Variants in LMF1 observed in about 807,000 individuals in gnomAD.
LMF1 encodes the protein lipase maturation factor 1, also known as transmembrane protein 112.
Under a neutral mutation model 60.6 loss-of-function variants are expected in LMF1, and 68 were observed. The ratio of observed to expected loss-of-function variants is 1.12; its 90% CI spans 0.92 to 1.37. The LOEUF (loss-of-function observed/expected upper bound fraction) is 1.37, where lower values mean the gene tolerates loss of function less well. LMF1 is among the 40% of genes most tolerant of loss of function. LMF1 has a pLI of 0.00. For missense variants in LMF1, 948 were observed against 767.2 expected, an observed-to-expected ratio of 1.24 and a Z score of -2.78; for synonymous variants, 418 against 324.7, an observed-to-expected ratio of 1.29 and a Z score of -3.09.
upstream of LMF1, among the ~76,000 whole-genome samples, chr16:974,542 G>A (rs1338429025): frequency 1.3e-5 from 2 of 152,256 alleles, no homozygotes; most frequent in South Asian, 2.1e-4. Context: ...GGGAGGAAGG[G>A]ACGGACACCC....
intron 10 of LMF1, among the ~76,000 whole-genome samples, chr16:860,783 C>T (rs1301177005): frequency 1.3e-5 from 2 of 152,074 alleles, no homozygotes; most frequent in Non-Finnish European, 2.9e-5. Flanking sequence ...CTCATCCGGG[C>T]ATGTTTGTTT....
At chr16:931,662 T>C (rs1396728532) in intron 3 of LMF1, 7 of 1,287,060 alleles carry the variant, frequency 5.4e-6, no homozygotes, top group Non-Finnish European at 7.1e-6. Flanking sequence ...GGCAGCTCTA[T>C]GTTCTCCAAG....
intron 6 of LMF1, among the ~76,000 whole-genome samples, chr16:876,235 G>A (rs574855561): frequency 3.3e-5 from 5 of 152,374 alleles, no homozygotes; most frequent in East Asian, 1.9e-4. Context: ...GCCCACGCGC[G>A]GCCGCGGAGG....
chr16:902,987 G>A (rs2070862777), intron 4 of LMF1, among the ~76,000 whole-genome samples: 1 of 67,666 alleles, frequency 1.5e-5, no homozygotes, highest in Admixed American at 1.5e-4. Context: ...TCTGCTGCGT[G>A]GTGGTGACCT....
intron 1 of LMF1, 91 bp downstream of exon 1, chr16:970,697 C>T: frequency 1.6e-6 from 2 of 1,246,348 alleles, no homozygotes; most frequent in East Asian, 3.1e-5. Context: ...GCCGCGGCCG[C>T]GAGACCGCGC....
intron 1 of LMF1, among the ~76,000 whole-genome samples, chr16:956,584 C>T (rs1051227290): frequency 2.0e-5 from 3 of 152,234 alleles, no homozygotes; most frequent in South Asian, 2.1e-4. Flanking sequence ...TGGCTCACGC[C>T]TGTAATCCCA....
At position 871,263 on chromosome 16, in the gene LMF1, C is replaced by T. The variant is rs769766473; in HGVS notation, c.976G>A (p.Ala326Thr). Residue 326 changes from alanine to threonine, a missense_variant, in exon 7 of 11, where the codon GCC becomes ACC. Ala to Thr is a moderately conservative substitution (Grantham distance 58). Coordinates refer to ENST00000262301, the MANE Select transcript of LMF1 (RefSeq NM_022773.4). ...MVPSLACFDD[A>T]TLGFLFPSGP... ...GAGGGGAACAAGAATCCCAGGGTGG[C>T]GTCATCAAAGCAGGCCAGGCTGGGC... 4.3e-5 allele frequency: 70 copies of T among 1,612,412 alleles called. 1 individual carries two copies. Among genetic ancestry groups the T allele is most frequent in the South Asian group, 3.4e-4 (31 of 90,996 alleles).
intron 3 of LMF1, among the ~76,000 whole-genome samples, chr16:922,280 G>A (rs544591177): frequency 1.1e-4 from 16 of 152,350 alleles, no homozygotes; most frequent in South Asian, 4.1e-4. Flanking sequence ...CAAGGTGGGA[G>A]AAGGCAGCCA....
At chr16:915,527 C>A (rs868370332) in intron 3 of LMF1, among the ~76,000 whole-genome samples, 7 of 152,278 alleles carry the variant, frequency 4.6e-5, no homozygotes, top group Admixed American at 3.3e-4. Flanking sequence ...CTGCGCCTGG[C>A]GGCCTGGGGC....
At chr16:926,694 G>A (rs960495273) in intron 3 of LMF1, among the ~76,000 whole-genome samples, 4 of 152,186 alleles carry the variant, frequency 2.6e-5, no homozygotes, top group African/African-American at 2.4e-5. Context: ...GGTGGAACCC[G>A]GCACCACGGC....
intron 4 of LMF1, chr16:903,903 T>C: frequency 6.6e-6 from 1 of 152,612 alleles, no homozygotes; most frequent in South Asian, 1.3e-4. Flanking sequence ...AGGACGCCTG[T>C]CTCTGCTGCG....
Position 897,192 on chromosome 16 carries a change from C to T in LMF1, c.664-4120G>A, listed in dbSNP as rs1379214601. ...TGCCTGTGTGTCCTGGGACACACTT[C>T]CCCAAATCTGCCATCTGGAAACTCG... On this transcript the variant is annotated intron_variant, in intron 4 of 10. Transcript: ENST00000262301. This position sits in a 1 kb window ranked among gnomAD's most constrained non-coding sequence, Gnocchi z 4.3. 6.6e-6 allele frequency among the ~76,000 whole-genome samples: 1 copy of T among 152,208 alleles called. No individual in the cohort carries two copies.
At chr16:977,828 C>CAG (rs2073195298) in intron 1 of LMF1, among the ~76,000 whole-genome samples, 1 of 151,896 alleles carries the variant, frequency 6.6e-6, no homozygotes, top group East Asian at 1.9e-4. Context: ...ACACCACACA[C>CAG]ACACACACAC....
intron 3 of LMF1, among the ~76,000 whole-genome samples, chr16:925,518 C>A (rs1008359003): frequency 3.3e-5 from 5 of 152,030 alleles, no homozygotes; most frequent in African/African-American, 1.2e-4. Context: ...CAGTTTGAGC[C>A]TAGGAGTTCA....
chr16:978,067 C>T (rs111063875), intron 1 of LMF1, among the ~76,000 whole-genome samples: 18 of 144,174 alleles, frequency 1.2e-4, no homozygotes, highest in Non-Finnish European at 2.4e-4. Flanking sequence ...CACCCACACC[C>T]TGCACACATA....
At chr16:857,938 C>CA (rs1452851251) in intron 10 of LMF1, among the ~76,000 whole-genome samples, 25 of 6,404 alleles carry the variant, frequency 3.9e-3, no homozygotes, top group East Asian at 0.012. Context: ...GATGGGTGTG[C>CA]GTGGTGTCTC....
chr16:943,586 G>C (rs1425886052), intron 2 of LMF1, among the ~76,000 whole-genome samples: 1 of 151,826 alleles, frequency 6.6e-6, no homozygotes, highest in Non-Finnish European at 1.5e-5. Context: ...AATTAGCTGG[G>C]TGTGGTGGTG....
At chr16:955,862 T>C (rs2072687311) in intron 1 of LMF1, among the ~76,000 whole-genome samples, 1 of 152,080 alleles carries the variant, frequency 6.6e-6, no homozygotes, top group African/African-American at 2.4e-5. Context: ...GCTGCAGGGC[T>C]TGACACTTAC....
At chr16:951,955 C>A (rs1432488800) in intron 2 of LMF1, among the ~76,000 whole-genome samples, 3 of 152,240 alleles carry the variant, frequency 2.0e-5, no homozygotes, top group African/African-American at 7.2e-5. Flanking sequence ...CAAACAGCCA[C>A]AAGCATTGCA....
Sources: gnomAD v4.1 joint callset for allele counts (sites outside exome capture counted in the v4.1 genomes callset) on GRCh38, gnomAD v4.1.1 for gene constraint, Gnocchi (gnomAD v3.1) non-coding constraint, MANE v1.5 for transcripts, NCBI Gene and HGNC (gene_info 2026-07-23, HGNC 2026-07-21) for gene names.